ADCK2: variants seen among roughly 807,000 people sequenced by gnomAD.
The protein encoded by ADCK2 is aarF domain containing kinase 2.
ADCK2 carries 37 observed loss-of-function variants against 52.3 expected under a neutral mutation model. That is an observed-to-expected ratio of 0.71 (90% CI 0.54 to 0.93). The LOEUF (loss-of-function observed/expected upper bound fraction) is 0.93, where lower values mean the gene tolerates loss of function less well. Among genes scored for constraint, ADCK2 ranks in the 40% least tolerant of loss-of-function variants. The pLI is 0.00. For missense variants in ADCK2, 695 were observed against 798.7 expected (o/e 0.87, Z 1.56); for synonymous variants, 321 against 349.2 (o/e 0.92, Z 0.90).
At chr7:140,687,713 CAA>C (rs1183936231) in intron 5 of ADCK2, among the ~76,000 whole-genome samples, 1 of 131,818 alleles carries the variant, frequency 7.6e-6, no homozygotes. Context: ...GACTCCATTT[CAA>C]AAAAAAAAAA....
Position 140,673,323 on chromosome 7 carries a change from T to C in ADCK2, c.-8T>C. The C allele has an allele frequency of 7.0e-7, 1 of 1,436,726 alleles. No homozygotes were observed. The highest frequency in any genetic ancestry group is 9.1e-7 in the Non-Finnish European group (1 of 1,094,026). The allele number at this position is 1,436,726 out of a possible 1,614,324, so 89.0% of individuals were successfully genotyped here. ...GGGCGGGCCGCCTGGGCCGCGGGCC[T>C]CGGGAGGATGGTGGCGCCCTGGCGC... On this transcript the variant is annotated 5_prime_UTR_variant, in exon 1 of 8. Transcript: ENST00000072869. The surrounding 1 kb of genome is among the most constrained non-coding windows in gnomAD (Gnocchi z 6.4).
rs767358179 is a variant in ADCK2 at position 140,673,598 on chromosome 7, C to T, written c.268C>T (p.Leu90=). The change falls in exon 1 of 8, where the codon CTG becomes TTG. Residue 90 remains leucine (L), a synonymous_variant. Transcript: ENST00000072869. The surrounding 1 kb of genome is among the most constrained non-coding windows in gnomAD (Gnocchi z 6.4). ...GGAGAGCCTCCCCCGAGCGGGACCT[C>T]TGGGCGGCGTCTTCCTGCATCTCCG... The part of the protein sequence containing the change: ...PAESLPRAGP[L]GGVFLHLRLW... 4.4e-5 allele frequency: 70 copies of T among 1,607,338 alleles called. No homozygotes were observed. Among genetic ancestry groups the T allele is most frequent in the Admixed American group, 1.0e-4 (6 of 59,976 alleles).
chr7:140,676,250 T>C (rs1357187546), intron 2 of ADCK2, among the ~76,000 whole-genome samples: 1 of 152,150 alleles, frequency 6.6e-6, no homozygotes, highest in Non-Finnish European at 1.5e-5. Flanking sequence ...GGGTCTCTTG[T>C]GTAAAGGCGC....
chr7:140,688,526 T>G (rs141707768), intron 5 of ADCK2, among the ~76,000 whole-genome samples: 21 of 152,338 alleles, frequency 1.4e-4, no homozygotes, highest in Middle Eastern at 6.8e-3. Context: ...GAGTGGCAGA[T>G]GGTTTGGGAC....
chr7:140,673,315 C>T lies in ADCK2; in HGVS notation c.-16C>T. 2 of 1,429,732 alleles carry T rather than the reference C, an allele frequency of 1.4e-6. No individual in the cohort carries two copies. Among genetic ancestry groups the T allele is most frequent in the Non-Finnish European group, 1.8e-6 (2 of 1,091,340 alleles). The allele number at this position is 1,429,732 out of a possible 1,614,324, so 88.6% of individuals were successfully genotyped here. ...GAAGTGGAGGGCGGGCCGCCTGGGC[C>T]GCGGGCCTCGGGAGGATGGTGGCGC... is the stretch of plus-strand genomic sequence containing the variant. On this transcript the variant is annotated 5_prime_UTR_variant, in exon 1 of 8. Coordinates refer to ENST00000072869, the MANE Select transcript of ADCK2 (RefSeq NM_052853.4). This position sits in a 1 kb window ranked among gnomAD's most constrained non-coding sequence, Gnocchi z 6.4.
At chr7:140,675,396 C>G (rs1420337339) in intron 2 of ADCK2, among the ~76,000 whole-genome samples, 1 of 152,208 alleles carries the variant, frequency 6.6e-6, no homozygotes, top group African/African-American at 2.4e-5. Context: ...TCTCCCTCCT[C>G]GGCCTTCCAA....
At chr7:140,690,033 T>C (rs1794677199) in intron 6 of ADCK2, among the ~76,000 whole-genome samples, 1 of 152,096 alleles carries the variant, frequency 6.6e-6, no homozygotes, top group Non-Finnish European at 1.5e-5. Flanking sequence ...ATGTGCCCAA[T>C]GCGCATGTCC....
Position 140,689,838 on chromosome 7 carries a change from A to G in ADCK2, c.1686+113A>G, listed in dbSNP as rs534537306. ...ATGAGGGGTGTGAGTTTTAAAGCAG[A>G]AAAAGAACCACCCCACATCTTCCAG... On this transcript the variant is annotated intron_variant, in intron 6 of 7. Coordinates refer to ENST00000072869, the MANE Select transcript of ADCK2 (RefSeq NM_052853.4). 2.3e-5 allele frequency: 29 copies of G among 1,245,234 alleles called. 1 individual carries two copies. The South Asian group carries it at 6.9e-4, about 30-fold the overall frequency. 77.1% of individuals were successfully genotyped at this position (1,245,234 alleles called of 1,614,324 possible).
At chr7:140,686,895 G>A in intron 4 of ADCK2, 95 bp from the exon 5 acceptor site, 3 of 1,515,002 alleles carry the variant, frequency 2.0e-6, no homozygotes, top group Non-Finnish European at 2.7e-6. Context: ...GTGATAGAGT[G>A]CTGGGAGCTT....
rs1309689487 is a variant in ADCK2 at position 140,691,273 on chromosome 7, G to A, written c.1740+460G>A. On this transcript the variant is annotated intron_variant, in intron 7 of 7. Transcript: ENST00000072869. ...TTTAGTAACAAGCCATTTGCAACAA[G>A]TGCTTCGTAGCTGTTAGTCTATCTG... Among the ~76,000 whole-genome samples, 3 of 152,334 alleles carry A rather than the reference G, an allele frequency of 2.0e-5. No homozygotes were observed. In the East Asian group the frequency reaches 5.8e-4, roughly 29 times the overall value.
chr7:140,678,890 C>T lies in ADCK2; in HGVS notation c.1081-265C>T, dbSNP rs901665482. Among the ~76,000 whole-genome samples, 17 of 152,110 alleles carry T rather than the reference C, an allele frequency of 1.1e-4. No individual in the cohort carries two copies. The highest frequency in any genetic ancestry group is 2.2e-4 in the Non-Finnish European group (15 of 68,000). On this transcript the variant is annotated intron_variant, in intron 2 of 7. Coordinates refer to ENST00000072869, the MANE Select transcript of ADCK2 (RefSeq NM_052853.4). The surrounding 1 kb of genome is among the most constrained non-coding windows in gnomAD (Gnocchi z 4.9). ...GTGTGAGGCAGGCGGGTGGCAAGGGCGAGAGTAGCAGAGAAGCAGTGCAGC... is the reference window on the plus strand; with the variant it reads ...GTGTGAGGCAGGCGGGTGGCAAGGGTGAGAGTAGCAGAGAAGCAGTGCAGC...
intron 4 of ADCK2, among the ~76,000 whole-genome samples, chr7:140,683,032 GTGGCTCATGCC>G (rs1794544099): frequency 6.8e-6 from 1 of 147,914 alleles, no homozygotes. Flanking sequence ...GCCAGGCGCA[GTGGCTCATGCC>G]TGTAATCCCA....
At chr7:140,684,527 GGAA>G (rs777767032) in intron 4 of ADCK2, among the ~76,000 whole-genome samples, 1 of 152,148 alleles carries the variant, frequency 6.6e-6, no homozygotes, top group Non-Finnish European at 1.5e-5. Context: ...AGGCGGATAG[GGAA>G]GAAGAATACC....
chr7:140,688,973 A>C (rs1391058427), intron 5 of ADCK2, among the ~76,000 whole-genome samples: 1 of 147,706 alleles, frequency 6.8e-6, no homozygotes, highest in Non-Finnish European at 1.5e-5. Context: ...TAATTAATTA[A>C]TTTTTTTTTT....
intron 2 of ADCK2, among the ~76,000 whole-genome samples, chr7:140,675,615 C>T (rs1008638604): frequency 1.1e-4 from 16 of 152,218 alleles, no homozygotes; most frequent in African/African-American, 3.6e-4. Flanking sequence ...TCACTTCTTT[C>T]CTGTTCACTG....
intron 2 of ADCK2, among the ~76,000 whole-genome samples, chr7:140,676,815 A>G (rs1002866836): frequency 6.6e-6 from 1 of 152,156 alleles, no homozygotes; most frequent in South Asian, 2.1e-4. Flanking sequence ...TGAGGTTAGG[A>G]GTTTGAGATC....
chr7:140,680,312 C>T (rs113393857), intron 3 of ADCK2, among the ~76,000 whole-genome samples: 1,785 of 151,710 alleles, frequency 0.012, 44 homozygotes, highest in African/African-American at 0.041. Flanking sequence ...TCCCCATGTC[C>T]GACTAATTTT....
In ADCK2 at chr7:140,678,293, G is replaced by T. The variant is rs1027632346; in HGVS notation, c.1081-862G>T. ...AAAGGTGACTGAGTGCGTGGGGATG[G>T]TGAAGGGAAATTCCATTTAGGCACA... On this transcript the variant is annotated intron_variant, in intron 2 of 7. Transcript: ENST00000072869. The surrounding 1 kb of genome is among the most constrained non-coding windows in gnomAD (Gnocchi z 4.9). 8.5e-5 allele frequency among the ~76,000 whole-genome samples: 13 copies of T among 152,192 alleles called. No individual in the cohort carries two copies. The highest frequency in any genetic ancestry group is 5.2e-4 in the Admixed American group (8 of 15,286).
At chr7:140,679,035 C>T (rs1253973687) in intron 2 of ADCK2, 120 bp from the exon 3 acceptor site, 18 of 1,330,166 alleles carry the variant, frequency 1.4e-5, no homozygotes, top group South Asian at 5.5e-5. Context: ...GCAAGTTCTG[C>T]GGGGCAAGCT....
Sources: allele counts gnomAD v4.1 joint callset (sites outside exome capture counted in the v4.1 genomes callset), GRCh38; gene constraint gnomAD v4.1.1; non-coding constraint Gnocchi (gnomAD v3.1); transcripts MANE v1.5; gene names NCBI Gene and HGNC (gene_info 2026-07-23, HGNC 2026-07-21).